PDE1C: variants seen among roughly 807,000 people sequenced by gnomAD.
The protein encoded by PDE1C is dual specificity calcium/calmodulin-dependent 3',5'-cyclic nucleotide phosphodiesterase 1C.
PDE1C carries 62 observed loss-of-function variants against 93.1 expected under a neutral mutation model. That is an observed-to-expected ratio of 0.67 (90% CI 0.54 to 0.82). The LOEUF (loss-of-function observed/expected upper bound fraction) is 0.82. PDE1C is among the 40% of genes least tolerant of loss of function. The pLI, the probability that PDE1C is intolerant of heterozygous loss-of-function variation, is 0.00. For missense variants in PDE1C, 742 were observed against 884.6 expected (o/e 0.84, Z 2.04); for synonymous variants, 325 against 310.1 (o/e 1.05, Z -0.50).
At chr7:31,805,424 T>C (rs1207480698) in intron 16 of PDE1C, among the ~76,000 whole-genome samples, 1 of 151,926 alleles carries the variant, frequency 6.6e-6, no homozygotes, top group Non-Finnish European at 1.5e-5. Flanking sequence ...AGTACTATTG[T>C]ACTCTTATAT....
chr7:32,257,900 T>C lies in PDE1C; in HGVS notation c.85+40751A>G, dbSNP rs574269204. Among the ~76,000 whole-genome samples, 25 of 152,354 alleles carry C rather than the reference T, an allele frequency of 1.6e-4. No individual in the cohort carries two copies. The South Asian group carries it at 5.2e-3, about 32-fold the overall frequency. ...CTGACAATGTGTCCAAAAGAGGCAGTGACCAGCCCTCTCAGGGACTGTCCT... is the reference window on the plus strand; with the variant it reads ...CTGACAATGTGTCCAAAAGAGGCAGCGACCAGCCCTCTCAGGGACTGTCCT... On this transcript the variant is annotated intron_variant, in intron 1 of 18. Transcript: ENST00000396193.
chr7:32,365,822 C>A (rs549811616), intron 1 of PDE1C, among the ~76,000 whole-genome samples: 121 of 152,146 alleles, frequency 8.0e-4, no homozygotes, highest in African/African-American at 2.7e-3. Context: ...CTGAGACACT[C>A]AAAAATGTCA....
Position 31,816,162 on chromosome 7 carries a change from C to T in PDE1C, c.1583-8G>A, listed in dbSNP as rs1788235508. 6.2e-7 allele frequency: 1 copy of T among 1,610,702 alleles called. No homozygotes were observed. The highest frequency in any genetic ancestry group is 2.2e-5 in the East Asian group (1 of 44,812). On this transcript the variant is annotated splice_region_variant and splice_polypyrimidine_tract_variant and intron_variant, in intron 14 of 17. Transcript: ENST00000396191. ...CCTTCTTGGCCTTCTCCTCTGCATC[C>T]ATGGCAAGTTGGGAAAGCCACAGAA...
chr7:32,066,202 T>C (rs1404137777), intron 1 of PDE1C, among the ~76,000 whole-genome samples: 1 of 152,168 alleles, frequency 6.6e-6, no homozygotes, highest in Admixed American at 6.5e-5. Flanking sequence ...TTTTATTACC[T>C]GGAAGGTGAA....
At chr7:31,774,624 T>C (rs892919772) in intron 17 of PDE1C, among the ~76,000 whole-genome samples, 1 of 152,214 alleles carries the variant, frequency 6.6e-6, no homozygotes, top group Non-Finnish European at 1.5e-5. Context: ...AATGCTAAAT[T>C]ATCAATAGAC....
intron 11 of PDE1C, among the ~76,000 whole-genome samples, chr7:31,830,641 T>A (rs553146801): frequency 6.6e-6 from 1 of 152,094 alleles, no homozygotes; most frequent in African/African-American, 2.4e-5. Flanking sequence ...TCCCTATTCT[T>A]CTCCTCCTCC....
the PDE1C span, among the ~76,000 whole-genome samples, chr7:31,675,524 G>T: frequency 6.6e-6 from 1 of 152,040 alleles, no homozygotes; most frequent in Non-Finnish European, 1.5e-5. Flanking sequence ...CCAACATCCT[G>T]TATTAAATTT....
intron 12 of PDE1C, among the ~76,000 whole-genome samples, chr7:31,826,495 CT>C (rs1268460724): frequency 1.3e-5 from 2 of 151,848 alleles, no homozygotes; most frequent in South Asian, 2.1e-4. Flanking sequence ...CCATTTTTGC[CT>C]TTTTTTTCCT....
chr7:31,995,667 C>G (rs1054147715), intron 2 of PDE1C, among the ~76,000 whole-genome samples: 1 of 152,022 alleles, frequency 6.6e-6, no homozygotes, highest in Non-Finnish European at 1.5e-5. Context: ...AATAGATTTT[C>G]TACTCAACTT....
chr7:32,241,736 C>A (rs1045897543), intron 1 of PDE1C, among the ~76,000 whole-genome samples: 4 of 152,100 alleles, frequency 2.6e-5, no homozygotes, highest in Non-Finnish European at 5.9e-5. Context: ...GGGGGCAGCA[C>A]TTGCAAGCAA....
chr7:32,212,974 G>A (rs556640518), intron 1 of PDE1C, among the ~76,000 whole-genome samples: 3 of 152,284 alleles, frequency 2.0e-5, no homozygotes, highest in African/African-American at 7.2e-5. Flanking sequence ...GTGCTGGTCT[G>A]GGGATCATAA....
intron 2 of PDE1C, among the ~76,000 whole-genome samples, chr7:32,183,391 C>T (rs1381549497): frequency 7.9e-5 from 12 of 152,156 alleles, no homozygotes; most frequent in Admixed American, 7.9e-4. Context: ...CGCTACCTGA[C>T]TTCAAACTAT....
chr7:31,687,779 A>G, the PDE1C span, among the ~76,000 whole-genome samples: 2 of 152,218 alleles, frequency 1.3e-5, no homozygotes, highest in Non-Finnish European at 2.9e-5. Context: ...TTGACAATGA[A>G]TATGTATTTT....
intron 16 of PDE1C, among the ~76,000 whole-genome samples, chr7:31,808,576 CTGTTTT>C (rs946571130): frequency 6.6e-6 from 1 of 151,848 alleles, no homozygotes; most frequent in Non-Finnish European, 1.5e-5. Context: ...ATAAAGACCC[CTGTTTT>C]TGTTTTTGTT....
At chr7:31,951,273 C>T (rs537043297) in intron 2 of PDE1C, among the ~76,000 whole-genome samples, 3 of 152,296 alleles carry the variant, frequency 2.0e-5, no homozygotes, top group African/African-American at 7.2e-5. Flanking sequence ...CTCTAATACA[C>T]GGTAACCTCC....
chr7:31,622,372 G>A, the PDE1C span, among the ~76,000 whole-genome samples: 1 of 152,026 alleles, frequency 6.6e-6, no homozygotes, highest in African/African-American at 2.4e-5. Flanking sequence ...GCTCTCCTCA[G>A]CAAATGTAAA....
At chr7:32,035,206 G>A (rs1380891426) in intron 2 of PDE1C, among the ~76,000 whole-genome samples, 2 of 151,764 alleles carry the variant, frequency 1.3e-5, no homozygotes, top group East Asian at 3.9e-4. Context: ...CCAACCCTAA[G>A]ACAAACGCCT....
At chr7:32,372,098 G>T (rs1319785716) in intron 1 of PDE1C, among the ~76,000 whole-genome samples, 1 of 139,486 alleles carries the variant, frequency 7.2e-6, no homozygotes, top group Admixed American at 7.9e-5. Flanking sequence ...CTGTCACCCA[G>T]GCTGGAGTGC....
At chr7:32,194,340 C>A (rs190990301) in intron 2 of PDE1C, among the ~76,000 whole-genome samples, 10 of 152,192 alleles carry the variant, frequency 6.6e-5, no homozygotes, top group Non-Finnish European at 7.4e-5. Flanking sequence ...CTGTTTTATT[C>A]CTGATATTCA....
Sources: gnomAD v4.1 joint callset for allele counts (sites outside exome capture counted in the v4.1 genomes callset) on GRCh38, gnomAD v4.1.1 for gene constraint, MANE v1.5 for transcripts, NCBI Gene and HGNC (gene_info 2026-07-23, HGNC 2026-07-21) for gene names.